MOK: variants seen among roughly 807,000 people sequenced by gnomAD.
MOK encodes MOK protein kinase, also known as MAPK/MAK/MRK overlapping kinase.
MOK carries 59 observed loss-of-function variants against 54.2 expected under a neutral mutation model. That is an observed-to-expected ratio of 1.09 (90% CI 0.88 to 1.35). The LOEUF is 1.35. MOK is among the 40% of genes most tolerant of loss of function. MOK has a pLI of 0.00. For missense variants in MOK, 517 were observed against 526.2 expected (o/e 0.98, Z 0.17); for synonymous variants, 210 against 202.7 (o/e 1.04, Z -0.31).
chr14:102,297,545 G>C (rs142195927), intron 1 of MOK, among the ~76,000 whole-genome samples: 2,866 of 152,336 alleles, frequency 0.019, 56 homozygotes, highest in South Asian at 0.095. Flanking sequence ...CTCGGCCTCG[G>C]TGCCCACTCT....
chr14:102,263,623 A>G lies in MOK; in HGVS notation c.213-7T>C. 3 of 1,589,724 alleles carry G rather than the reference A, an allele frequency of 1.9e-6. No homozygotes were observed. The highest frequency in any genetic ancestry group is 2.6e-6 in the Non-Finnish European group (3 of 1,168,776). ...AGAACCAGATTTTCTGTCACTGAAG[A>G]AGAAAGCAAGTTTTTAAAATAAATT... On this transcript the variant is annotated splice_region_variant and splice_polypyrimidine_tract_variant and intron_variant, in intron 3 of 11. Transcript: ENST00000361847.
At chr14:102,299,279 C>T (rs533768476) in intron 1 of MOK, among the ~76,000 whole-genome samples, 31 of 152,228 alleles carry the variant, frequency 2.0e-4, no homozygotes, top group Non-Finnish European at 2.1e-4. Context: ...TTTGGGAGGC[C>T]GAGGCGGGCA....
chr14:102,233,318 C>T (rs1009089561), intron 8 of MOK: 4 of 188,762 alleles, frequency 2.1e-5, no homozygotes, highest in African/African-American at 7.0e-5. Flanking sequence ...GCGTCGGTCC[C>T]GCCAGCAGGG....
downstream of MOK, chr14:102,224,835 C>G: frequency 4.4e-6 from 2 of 455,550 alleles, no homozygotes; most frequent in South Asian, 3.1e-5. Context: ...ACTTGCTGTT[C>G]TAAATGAAAG....
chr14:102,226,698 C>T (rs1486188585), downstream of MOK, among the ~76,000 whole-genome samples: 2 of 152,188 alleles, frequency 1.3e-5, no homozygotes, highest in Non-Finnish European at 2.9e-5. This position sits in a 1 kb window ranked among gnomAD's most constrained non-coding sequence, Gnocchi z 4.8. Flanking sequence ...AAGTGCAGGG[C>T]GGGAAGTCCA....
At chr14:102,252,757 G>A (rs982877029) in intron 4 of MOK, among the ~76,000 whole-genome samples, 2 of 152,066 alleles carry the variant, frequency 1.3e-5, no homozygotes, top group African/African-American at 4.8e-5. Context: ...AAATGAGATG[G>A]CCAGCAATAA....
intron 4 of MOK, among the ~76,000 whole-genome samples, chr14:102,254,667 T>A (rs1342263932): frequency 6.6e-6 from 1 of 152,040 alleles, no homozygotes; most frequent in Non-Finnish European, 1.5e-5. Context: ...TCCCTCCCCA[T>A]CTCCACCCAC....
chr14:102,256,068 G>A (rs979402923), intron 4 of MOK, among the ~76,000 whole-genome samples: 5 of 152,014 alleles, frequency 3.3e-5, no homozygotes, highest in African/African-American at 7.3e-5. Flanking sequence ...AGAGAACTAC[G>A]AACTAGCCAT....
At chr14:102,244,042 T>C (rs2065911303) in intron 7 of MOK, among the ~76,000 whole-genome samples, 1 of 152,358 alleles carries the variant, frequency 6.6e-6, no homozygotes, top group Non-Finnish European at 1.5e-5. Context: ...TGCTGTTATA[T>C]GGGCTGAAAG....
chr14:102,223,009 G>A (rs1056087533), downstream of MOK: 20 of 1,125,422 alleles, frequency 1.8e-5, no homozygotes, highest in Non-Finnish European at 2.5e-5. Flanking sequence ...GGCGATAGCC[G>A]TGTGGACGGT....
intron 1 of MOK, among the ~76,000 whole-genome samples, chr14:102,289,120 G>C (rs1216374795): frequency 1.3e-5 from 2 of 152,078 alleles, no homozygotes; most frequent in Admixed American, 6.6e-5. Context: ...GCCCAGGCTG[G>C]TCTCAAACTC....
At position 102,229,478 on chromosome 14, in the gene MOK, C is replaced by T. The variant is rs201652233; in HGVS notation, c.1161G>A (p.Lys387=). ...CTACCTTCTTGCTCGCAGGGATGCACTTCAAGGGTCTCAGCACCGGCACTC... is the reference window on the plus strand; with the variant it reads ...CTACCTTCTTGCTCGCAGGGATGCATTTCAAGGGTCTCAGCACCGGCACTC... ...NGRVPVLRPL[K]CIPASKKTDP... The change falls in exon 11 of 12, where the codon AAG becomes AAA. Residue 387 remains lysine, a synonymous_variant. Transcript: ENST00000361847. The T allele has an allele frequency of 6.2e-7, 1 of 1,614,218 alleles. No individual in the cohort carries two copies. Among genetic ancestry groups the T allele is most frequent in the East Asian group, 2.2e-5 (1 of 44,874 alleles).
chr14:102,297,801 C>T (rs1319038652), intron 1 of MOK, among the ~76,000 whole-genome samples: 1 of 152,176 alleles, frequency 6.6e-6, no homozygotes, highest in Non-Finnish European at 1.5e-5. Context: ...TGCTGCTGGC[C>T]CCGGGCAGTG....
chr14:102,217,072 A>T, the MOK span, among the ~76,000 whole-genome samples: 855 of 152,340 alleles, frequency 5.6e-3, 18 homozygotes, highest in East Asian at 0.034. Context: ...AGTGGCCTCC[A>T]AAACCAGCCT....
the MOK span, among the ~76,000 whole-genome samples, chr14:102,217,445 C>A: frequency 2.8e-4 from 42 of 152,324 alleles, no homozygotes; most frequent in Non-Finnish European, 4.4e-5. Context: ...TCATTAGATG[C>A]CAGGTTGAGT....
At chr14:102,263,668 AT>A (rs750514905) in intron 3 of MOK, 52 bp from the exon 4 acceptor site, 1 of 1,200,502 alleles carries the variant, frequency 8.3e-7, no homozygotes, top group Non-Finnish European at 1.2e-6. Context: ...TAATCAGAAA[AT>A]ATAATCCAAT....
intron 4 of MOK, among the ~76,000 whole-genome samples, chr14:102,262,456 T>C (rs1023508557): frequency 1.3e-5 from 2 of 152,264 alleles, no homozygotes; most frequent in East Asian, 3.8e-4. Context: ...TGCACCCAGC[T>C]TTATATACAT....
In MOK at chr14:102,231,962, CT is replaced by C. The variant is rs778554645; in HGVS notation, c.867-142del. On this transcript the variant is annotated intron_variant, in intron 9 of 11. Transcript: ENST00000361847. The surrounding 1 kb of genome is among the most constrained non-coding windows in gnomAD (Gnocchi z 4.4). ...TTCTGCCTGAGCTGTAATCAGGAGC[CT>C]TTTTTTTTCTTTTCTGTCTCAGCCT... 2.3e-4 allele frequency: 133 copies of C among 590,184 alleles called. No individual in the cohort carries two copies. The highest frequency in any genetic ancestry group is 5.0e-4 in the South Asian group (20 of 40,178). The allele number at this position is 590,184 out of a possible 1,614,324, so 36.6% of individuals were successfully genotyped here.
intron 1 of MOK, among the ~76,000 whole-genome samples, chr14:102,292,474 AAAAACAAAACAAAAC>A (rs538860615): frequency 6.6e-6 from 1 of 152,044 alleles, no homozygotes; most frequent in African/African-American, 2.4e-5. Flanking sequence ...CTCCATCTCA[AAAAACAAAACAAAAC>A]AAAACAAAAC....
Sources: gnomAD v4.1 joint callset for allele counts (sites outside exome capture counted in the v4.1 genomes callset) on GRCh38, gnomAD v4.1.1 for gene constraint, Gnocchi (gnomAD v3.1) non-coding constraint, MANE v1.5 for transcripts, NCBI Gene and HGNC (gene_info 2026-07-23, HGNC 2026-07-21) for gene names.